HM13: variants seen among roughly 807,000 people sequenced by gnomAD.
HM13 encodes the protein signal peptide peptidase.
A neutral mutation model predicts 50.0 loss-of-function variants in HM13; 18 were observed. The ratio of observed to expected loss-of-function variants is 0.36; its 90% CI spans 0.25 to 0.53. The LOEUF (loss-of-function observed/expected upper bound fraction) is 0.53, where lower values mean the gene tolerates loss of function less well. Among genes scored for constraint, HM13 ranks in the 20% least tolerant of loss-of-function variants. HM13 has a pLI of 0.90. For synonymous variants in HM13, 197 were observed against 232.6 expected, an observed-to-expected ratio of 0.85 and a Z score of 1.39; for missense variants, 393 against 552.4, an observed-to-expected ratio of 0.71 and a Z score of 2.89.
intron 4 of HM13, among the ~76,000 whole-genome samples, chr20:31,547,030 G>A (rs1311966636): frequency 1.3e-5 from 2 of 152,196 alleles, no homozygotes; most frequent in Non-Finnish European, 2.9e-5. Flanking sequence ...TGGCCCTCGG[G>A]TCAGGATAGT....
chr20:31,559,586 C>T, intron 8 of HM13, 25 bp from the exon 9 acceptor site: 1 of 1,613,920 alleles, frequency 6.2e-7, no homozygotes, highest in Non-Finnish European at 8.5e-7. Context: ...CCCTGCCACT[C>T]TCTAACCCCA....
intron 8 of HM13, among the ~76,000 whole-genome samples, chr20:31,558,048 T>G (rs1555844796): frequency 4.6e-5 from 7 of 152,194 alleles, no homozygotes; most frequent in Non-Finnish European, 1.0e-4. Flanking sequence ...TAAATGAGAC[T>G]CAGAGCCCAG....
chr20:31,516,494 G>A (rs1981790372), intron 1 of HM13, among the ~76,000 whole-genome samples: 1 of 152,188 alleles, frequency 6.6e-6, no homozygotes, highest in South Asian at 2.1e-4. Context: ...ACAAGGTTTA[G>A]GGAGAAAGAT....
intron 8 of HM13, among the ~76,000 whole-genome samples, chr20:31,558,585 C>G (rs1212301147): frequency 6.6e-6 from 1 of 152,032 alleles, no homozygotes; most frequent in South Asian, 2.1e-4. Flanking sequence ...AGAAGCCTTC[C>G]TTCTTTCCCC....
At chr20:31,540,518 G>A (rs1383209992) in intron 3 of HM13, 8 of 152,138 alleles carry the variant, frequency 5.3e-5, no homozygotes, top group African/African-American at 1.9e-4. Context: ...TGTGTGCTGA[G>A]GAACTGATTA....
chr20:31,528,827 C>T (rs140921842), intron 2 of HM13, among the ~76,000 whole-genome samples: 2,071 of 152,206 alleles, frequency 0.014, 55 homozygotes, highest in African/African-American at 0.046. Flanking sequence ...CCAGTCTGGT[C>T]TCAAACTCCT....
At chr20:31,547,913 A>G in intron 4 of HM13, 2 of 1,184,414 alleles carry the variant, frequency 1.7e-6, no homozygotes, top group Admixed American at 1.7e-5. Context: ...GTCACAGCGG[A>G]AGGAAAACAG....
At chr20:31,563,349 G>A (rs1190114513) in intron 10 of HM13, 1 of 152,278 alleles carries the variant, frequency 6.6e-6, no homozygotes, top group East Asian at 1.9e-4. Context: ...GCTAGCATTG[G>A]TCTAGGTAAG....
chr20:31,539,222 T>C (rs1983294263), intron 3 of HM13: 1 of 985,400 alleles, frequency 1.0e-6, no homozygotes, highest in South Asian at 4.7e-5. Flanking sequence ...AACCTTGCCC[T>C]GCTCACCAAA....
chr20:31,532,990 A>T (rs545314238), intron 2 of HM13, among the ~76,000 whole-genome samples: 1 of 152,306 alleles, frequency 6.6e-6, no homozygotes, highest in South Asian at 2.1e-4. Flanking sequence ...TGCCAGAAGC[A>T]CAGAGTATAC....
chr20:31,515,162 C>T (rs1296210333), intron 1 of HM13, among the ~76,000 whole-genome samples: 2 of 152,134 alleles, frequency 1.3e-5, no homozygotes, highest in Non-Finnish European at 2.9e-5. Flanking sequence ...TCGTGTCATT[C>T]CCTGTTAGGA....
At position 31,528,890 on chromosome 20, in the gene HM13, G is replaced by A. The variant is rs538359126; in HGVS notation, c.282+1308G>A. 5.9e-5 allele frequency among the ~76,000 whole-genome samples: 9 copies of A among 152,324 alleles called. No individual in the cohort carries two copies. The East Asian group carries it at 1.5e-3, about 26-fold the overall frequency. On this transcript the variant is annotated intron_variant, in intron 2 of 12. Transcript: ENST00000398174. ...CTCCCAAAGTGCTGGGATTACAGGC[G>A]TAAGCCACTGCATCCATCCCTTTCA...
In HM13 at chr20:31,531,728, T is replaced by C. The variant is rs1982831179; in HGVS notation, c.282+4146T>C. Reference sequence around the variant, plus strand: ...CCTGCCTCAGCCTCCTGAGAAATGCTCTTTTTAATGGTTACAGGGTATCCC... The same window carrying C: ...CCTGCCTCAGCCTCCTGAGAAATGCCCTTTTTAATGGTTACAGGGTATCCC... On this transcript the variant is annotated intron_variant, in intron 2 of 12. Transcript: ENST00000398174. 2.0e-5 allele frequency among the ~76,000 whole-genome samples: 3 copies of C among 152,206 alleles called. No individual in the cohort carries two copies. In the South Asian group the frequency reaches 6.2e-4, roughly 32 times the overall value.
At chr20:31,521,899 G>C (rs1982187598) in intron 1 of HM13, among the ~76,000 whole-genome samples, 1 of 132,076 alleles carries the variant, frequency 7.6e-6, no homozygotes, top group Non-Finnish European at 1.5e-5. Flanking sequence ...TCTCCATGTT[G>C]CCCATGCTGG....
rs1287050822 is a variant in HM13, at chr20:31,554,847, G to C, written c.808+18G>C. ...CATTCCAGGTGAGCCTGCTGGTGTG[G>C]GGGCTATGTGAAAGGGGTGGAGAGG... On this transcript the variant is annotated intron_variant, in intron 8 of 12. Coordinates refer to ENST00000398174, the MANE Select transcript of HM13 (RefSeq NM_178581.3). The C allele has an allele frequency of 6.2e-7, 1 of 1,603,532 alleles. No homozygotes were observed. Among genetic ancestry groups the C allele is most frequent in the African/African-American group, 1.3e-5 (1 of 74,818 alleles).
intron 1 of HM13, among the ~76,000 whole-genome samples, chr20:31,519,219 A>G (rs1200883347): frequency 1.3e-5 from 2 of 152,172 alleles, no homozygotes; most frequent in Non-Finnish European, 2.9e-5. Flanking sequence ...CTTCTGCCTC[A>G]GCCTCCCGAG....
At chr20:31,530,754 T>TA (rs1343527690) in intron 2 of HM13, among the ~76,000 whole-genome samples, 10 of 152,182 alleles carry the variant, frequency 6.6e-5, no homozygotes, top group African/African-American at 2.4e-4. Flanking sequence ...TTTTACAGTG[T>TA]ACCCTGAGGG....
intron 1 of HM13, among the ~76,000 whole-genome samples, chr20:31,524,889 A>G (rs1338322959): frequency 6.6e-6 from 1 of 151,118 alleles, no homozygotes; most frequent in Non-Finnish European, 1.5e-5. Flanking sequence ...AATTTTTTCT[A>G]TTTTTAGTAG....
chr20:31,565,311 T>G (rs900289516), intron 10 of HM13, among the ~76,000 whole-genome samples: 1 of 151,198 alleles, frequency 6.6e-6, no homozygotes, highest in African/African-American at 2.4e-5. Flanking sequence ...AAACCCCATC[T>G]CTAGTAAAAA....
Sources: gnomAD v4.1 joint callset for allele counts (sites outside exome capture counted in the v4.1 genomes callset) on GRCh38, gnomAD v4.1.1 for gene constraint, MANE v1.5 for transcripts, NCBI Gene and HGNC (gene_info 2026-07-23, HGNC 2026-07-21) for gene names.